PPM1B: variants seen among roughly 807,000 people sequenced by gnomAD.
PPM1B encodes protein phosphatase, Mg2+/Mn2+ dependent 1B, also known as protein phosphatase 1B.
Under a neutral mutation model 43.0 loss-of-function variants are expected in PPM1B, and 22 were observed. That is an observed-to-expected ratio of 0.51 (90% confidence interval 0.37 to 0.73). The LOEUF (loss-of-function observed/expected upper bound fraction) is 0.73. PPM1B is among the 30% of genes least tolerant of loss of function. The pLI is 0.00. For synonymous variants in PPM1B, 217 were observed against 197.9 expected (o/e 1.10, Z -0.81); for missense variants, 632 against 584.2 (o/e 1.08, Z -0.84).
chr2:44,232,103 G>T (rs1156494285), downstream of PPM1B, among the ~76,000 whole-genome samples: 1 of 152,120 alleles, frequency 6.6e-6, no homozygotes. Context: ...TTGATGGAGA[G>T]GGGAGGAAAA....
intron 5 of PPM1B, chr2:44,218,905 A>C: frequency 2.2e-6 from 1 of 464,200 alleles, no homozygotes; most frequent in Non-Finnish European, 4.3e-6. Context: ...CCATCACCAG[A>C]AGTTAGTGAT....
intron 5 of PPM1B, among the ~76,000 whole-genome samples, chr2:44,220,974 AT>A (rs1669953311): frequency 6.6e-6 from 1 of 152,226 alleles, no homozygotes; most frequent in Admixed American, 6.5e-5. Flanking sequence ...AAAAATAAGA[AT>A]TTAGGTTGCA....
chr2:44,228,724 A>G (rs7581826), intron 5 of PPM1B, among the ~76,000 whole-genome samples: 3,121 of 152,286 alleles, frequency 0.02, 125 homozygotes, highest in African/African-American at 0.072. Flanking sequence ...GAACAGCTGT[A>G]TATTGTCTCT....
At chr2:44,218,450 A>G in intron 4 of PPM1B, 30 bp from the exon 5 acceptor site, 1 of 1,512,472 alleles carries the variant, frequency 6.6e-7, no homozygotes. Context: ...GTGTAATTTA[A>G]TAAAACTAAA....
chr2:44,172,821 C>T (rs931355006), intron 1 of PPM1B, among the ~76,000 whole-genome samples: 1 of 152,102 alleles, frequency 6.6e-6, no homozygotes, highest in South Asian at 2.1e-4. Context: ...GTGGGAGGAT[C>T]GCTTGAGCCA....
intron 5 of PPM1B, among the ~76,000 whole-genome samples, chr2:44,243,663 T>TA (rs1201247060): frequency 6.6e-6 from 1 of 152,206 alleles, no homozygotes; most frequent in African/African-American, 2.4e-5. Context: ...CATATTCATG[T>TA]ATATGCTTGT....
At chr2:44,244,758 C>CTT (rs753488539), downstream of PPM1B, among the ~76,000 whole-genome samples, 17 of 135,674 alleles carry the variant, frequency 1.3e-4, no homozygotes, top group South Asian at 2.3e-4. Flanking sequence ...TATATTAGAC[C>CTT]TTTTTTTTTT....
At chr2:44,216,307 A>T (rs745709232) in intron 3 of PPM1B, among the ~76,000 whole-genome samples, 7 of 152,120 alleles carry the variant, frequency 4.6e-5, no homozygotes, top group Non-Finnish European at 1.0e-4. Flanking sequence ...CATCTAGTGA[A>T]TGGAGGCCAG....
At chr2:44,203,540 C>A (rs1314222174) in intron 2 of PPM1B, among the ~76,000 whole-genome samples, 2 of 151,910 alleles carry the variant, frequency 1.3e-5, no homozygotes, top group East Asian at 1.9e-4. Context: ...AGAGAAACAC[C>A]CAAAATTTTG....
chr2:44,244,820 G>GATAGATATATATATATATATAT (rs1553339292), downstream of PPM1B, among the ~76,000 whole-genome samples: 1 of 129,914 alleles, frequency 7.7e-6, no homozygotes. Context: ...AATTACTTGA[G>GATAGATATATATATATATATAT]ATATATATAT....
intron 5 of PPM1B, 131 bp downstream of exon 5, chr2:44,218,668 A>G (rs1669837875): frequency 3.0e-6 from 2 of 660,330 alleles, no homozygotes; most frequent in South Asian, 2.1e-5. Flanking sequence ...TTTTCATTTT[A>G]AAGTGTCAGT....
At chr2:44,181,363 CA>C (rs2104021323) in intron 1 of PPM1B, among the ~76,000 whole-genome samples, 1 of 152,078 alleles carries the variant, frequency 6.6e-6, no homozygotes, top group East Asian at 1.9e-4. Context: ...AGAGCCTAGG[CA>C]TGACAAATTA....
intron 2 of PPM1B, among the ~76,000 whole-genome samples, chr2:44,202,423 A>G (rs922549424): frequency 2.6e-5 from 4 of 152,220 alleles, no homozygotes; most frequent in Non-Finnish European, 4.4e-5. Context: ...CTAAAAGATC[A>G]AGAGCCATGT....
chr2:44,230,525 C>G lies in PPM1B; in HGVS notation c.1247C>G (p.Thr416Ser). ...NYRQLLEEMLTSYRLAKVEGE... is the reference protein window; with the variant it reads ...NYRQLLEEMLSSYRLAKVEGE... ...CGACAACTTCTGGAGGAGATGCTGA[C>G]TAGTTACAGGCTAGCTAAAGTAGAG... The change falls in exon 6 of 6, where the codon ACT (threonine) becomes AGT (serine). Residue 416 changes from threonine (T) to serine (S), a missense_variant. Physicochemically the swap from Thr to Ser is moderately conservative, Grantham distance 58. Coordinates refer to ENST00000282412, the MANE Select transcript of PPM1B (RefSeq NM_002706.6). The G allele has an allele frequency of 1.9e-6, 3 of 1,614,124 alleles. No individual in the cohort carries two copies. The highest frequency in any genetic ancestry group is 2.5e-6 in the Non-Finnish European group (3 of 1,180,014).
At chr2:44,182,293 C>G (rs1473579262) in intron 1 of PPM1B, among the ~76,000 whole-genome samples, 1 of 152,036 alleles carries the variant, frequency 6.6e-6, no homozygotes, top group East Asian at 1.9e-4. Context: ...GAGTTTTGCT[C>G]TTGTTGCCCA....
intron 3 of PPM1B, among the ~76,000 whole-genome samples, chr2:44,214,294 C>T (rs141123964): frequency 1.4e-4 from 22 of 152,166 alleles, no homozygotes; most frequent in African/African-American, 5.3e-4. Flanking sequence ...TTAGCTCAAT[C>T]TCGTGACCTC....
rs533168603 is a variant in PPM1B, at chr2:44,168,884, G to A, written c.-405G>A. ...GTGCGGGGAGGGGGTTGCAAAAGGA[G>A]CCGAGCGGCTTCTGCTCAATGGCGG... On this transcript the variant is annotated 5_prime_UTR_variant, in exon 1 of 6. Transcript: ENST00000282412. 15 of 153,088 alleles carry A rather than the reference G, an allele frequency of 9.8e-5. No homozygotes were observed. The South Asian group carries it at 3.0e-3, about 31-fold the overall frequency. The allele number at this position is 153,088 out of a possible 1,614,324, so 9.5% of individuals were successfully genotyped here.
At chr2:44,181,542 G>A (rs919089154) in intron 1 of PPM1B, among the ~76,000 whole-genome samples, 12 of 152,304 alleles carry the variant, frequency 7.9e-5, no homozygotes, top group African/African-American at 2.6e-4. Context: ...TGCATTATGT[G>A]ATGATGCTAA....
chr2:44,184,008 G>C (rs1011909448), intron 1 of PPM1B, among the ~76,000 whole-genome samples: 1 of 152,228 alleles, frequency 6.6e-6, no homozygotes, highest in Non-Finnish European at 1.5e-5. Context: ...AAAGTGCTGG[G>C]ATTACAGGCG....
Sources: gnomAD v4.1 joint callset for allele counts (sites outside exome capture counted in the v4.1 genomes callset) on GRCh38, gnomAD v4.1.1 for gene constraint, MANE v1.5 for transcripts, NCBI Gene and HGNC (gene_info 2026-07-23, HGNC 2026-07-21) for gene names.